Variants in BHMT2 observed in about 807,000 individuals in gnomAD.
BHMT2 encodes S-methylmethionine--homocysteine S-methyltransferase BHMT2.
A neutral mutation model predicts 39.0 loss-of-function variants in BHMT2; 28 were observed. The ratio of observed to expected loss-of-function variants is 0.72; its 90% CI spans 0.53 to 0.98. BHMT2 has a LOEUF of 0.98. BHMT2 is among the 50% of genes least tolerant of loss of function. BHMT2 has a pLI of 0.00. For synonymous variants in BHMT2, 145 were observed against 160.6 expected, an observed-to-expected ratio of 0.90 and a Z score of 0.74; for missense variants, 410 against 455.6, an observed-to-expected ratio of 0.90 and a Z score of 0.91.
chr5:79,070,430 C>G (rs1755541891), intron 1 of BHMT2, among the ~76,000 whole-genome samples: 1 of 152,156 alleles, frequency 6.6e-6, no homozygotes, highest in African/African-American at 2.4e-5. Context: ...CTCCTGGCCC[C>G]TTTCCTGGTC....
At position 79,082,541 on chromosome 5, in the gene BHMT2, G is replaced by A. The variant is rs1755805320; in HGVS notation, c.451-268G>A. 1.1e-5 allele frequency: 3 copies of A among 268,378 alleles called. No individual in the cohort carries two copies. The Admixed American group carries it at 1.5e-4, about 13-fold the overall frequency. The allele number at this position is 268,378 out of a possible 1,614,324, so 16.6% of individuals were successfully genotyped here. ...AATTACTTTGAAAACCTCTGGGTGT[G>A]TTTTCTTCTTTTTTACTAATAGGCA... On this transcript the variant is annotated intron_variant, in intron 4 of 7. Transcript: ENST00000255192.
At chr5:79,078,311 G>A (rs1755718552) in intron 2 of BHMT2, among the ~76,000 whole-genome samples, 1 of 151,618 alleles carries the variant, frequency 6.6e-6, no homozygotes. Context: ...ACTATGATGG[G>A]ATTAGATAGT....
chr5:79,079,850 A>G (rs905965818), intron 3 of BHMT2, among the ~76,000 whole-genome samples: 1 of 152,226 alleles, frequency 6.6e-6, no homozygotes, highest in Non-Finnish European at 1.5e-5. Context: ...AGATCACACC[A>G]CTGCACTCCA....
intron 1 of BHMT2, 83 bp from the exon 2 acceptor site, chr5:79,077,397 C>A: frequency 6.6e-7 from 1 of 1,514,184 alleles, no homozygotes; most frequent in Admixed American, 2.2e-5. Context: ...AACGTAATAC[C>A]ACTTCACCTA....
chr5:79,070,249 C>G (rs1426027051), intron 1 of BHMT2, among the ~76,000 whole-genome samples: 1 of 152,198 alleles, frequency 6.6e-6, no homozygotes, highest in African/African-American at 2.4e-5. Context: ...TCGGACTGTC[C>G]CCTCGCGTTT....
intron 4 of BHMT2, among the ~76,000 whole-genome samples, chr5:79,081,122 G>C (rs753922389): frequency 2.0e-5 from 3 of 152,158 alleles, no homozygotes; most frequent in Non-Finnish European, 2.9e-5. Context: ...CTAAGGTCTG[G>C]GTGGCTGCAG....
chr5:79,088,414 A>T (rs1179299677), intron 7 of BHMT2, 79 bp from the exon 8 acceptor site: 1 of 930,260 alleles, frequency 1.1e-6, no homozygotes. Flanking sequence ...ATACATATAC[A>T]TACATATATA....
intron 1 of BHMT2, 150 bp from the exon 2 acceptor site, chr5:79,077,330 T>C: frequency 9.6e-7 from 1 of 1,046,150 alleles, no homozygotes; most frequent in Non-Finnish European, 1.3e-6. Flanking sequence ...TATGGTATGC[T>C]CAATCTTTCT....
chr5:79,080,302 T>C (rs1246832107), intron 3 of BHMT2, among the ~76,000 whole-genome samples: 1 of 152,218 alleles, frequency 6.6e-6, no homozygotes, highest in African/African-American at 2.4e-5. Flanking sequence ...TGTGAAATAT[T>C]CTGCAAATGT....
At chr5:79,077,714 T>G in intron 2 of BHMT2, 102 bp downstream of exon 2, 17 of 1,414,064 alleles carry the variant, frequency 1.2e-5, no homozygotes, top group African/African-American at 2.8e-5. Flanking sequence ...CAAAGGGGTG[T>G]TTTGCTTGCT....
At chr5:79,081,555 C>T (rs1755789073) in intron 4 of BHMT2, among the ~76,000 whole-genome samples, 1 of 152,112 alleles carries the variant, frequency 6.6e-6, no homozygotes, top group Admixed American at 6.5e-5. Flanking sequence ...CACAACTTTA[C>T]TCCAAACAAG....
chr5:79,078,498 C>T (rs1388622725), intron 2 of BHMT2, among the ~76,000 whole-genome samples: 1 of 152,174 alleles, frequency 6.6e-6, no homozygotes, highest in Non-Finnish European at 1.5e-5. Context: ...TCAGATAAAC[C>T]TAGGGTCCTG....
intron 1 of BHMT2, among the ~76,000 whole-genome samples, chr5:79,072,147 A>C (rs2112691872): frequency 6.6e-6 from 1 of 152,210 alleles, no homozygotes; most frequent in Non-Finnish European, 1.5e-5. Flanking sequence ...TGCACCTATA[A>C]TCCCAGCTAC....
At position 79,069,802 on chromosome 5, in the gene BHMT2, C is replaced by A; in HGVS notation, c.20C>A (p.Pro7Gln). The change falls in exon 1 of 8, where the codon CCG becomes CAG. Residue 7 changes from proline (P) to glutamine (Q), a missense_variant. By Grantham distance (76) the Pro-to-Gln change is moderately conservative. Transcript: ENST00000255192. ...GGCACCATGGCACCTGCTGGACGCC[C>A]GGGGGCCAAGAAGGTGAGTTTCGTC... MAPAGR[P>Q]GAKKGILERL... 1.4e-6 allele frequency: 2 copies of A among 1,436,956 alleles called. No homozygotes were observed. The highest frequency in any genetic ancestry group is 3.0e-5 in the East Asian group (1 of 33,498). The allele number at this position is 1,436,956 out of a possible 1,614,324, so 89.0% of individuals were successfully genotyped here.
At chr5:79,075,210 C>T (rs549342323) in intron 1 of BHMT2, among the ~76,000 whole-genome samples, 12 of 152,074 alleles carry the variant, frequency 7.9e-5, no homozygotes, top group Non-Finnish European at 1.6e-4. Context: ...CTGACCCCTG[C>T]CGTAGGGAAT....
intron 7 of BHMT2, 81 bp downstream of exon 7, chr5:79,083,937 T>G: frequency 6.7e-7 from 1 of 1,490,140 alleles, no homozygotes; most frequent in African/African-American, 1.4e-5. Context: ...TGCATGCACA[T>G]GACAAAAAGT....
chr5:79,077,334 T>C (rs991185556), intron 1 of BHMT2, 146 bp from the exon 2 acceptor site: 2 of 1,094,174 alleles, frequency 1.8e-6, no homozygotes, highest in African/African-American at 3.1e-5. Context: ...GTATGCTCAA[T>C]CTTTCTGAAA....
rs182147010 is a variant in BHMT2, at chr5:79,087,270, G to C, written c.1011-1223G>C. Among the ~76,000 whole-genome samples, 35 of 151,686 alleles carry C rather than the reference G, an allele frequency of 2.3e-4. No individual in the cohort carries two copies. The East Asian group carries it at 5.8e-3, about 25-fold the overall frequency. ...AGTAGGCAAGAATCACTTAGCCAAA[G>C]CTTTCTTCTAGGAGATATGGATATT... On this transcript the variant is annotated intron_variant, in intron 7 of 7. Coordinates refer to ENST00000255192, the MANE Select transcript of BHMT2 (RefSeq NM_017614.5).
intron 3 of BHMT2, among the ~76,000 whole-genome samples, 153 bp from the exon 4 acceptor site, chr5:79,080,534 G>A (rs569097433): frequency 1.3e-5 from 2 of 152,260 alleles, no homozygotes; most frequent in East Asian, 3.9e-4. Flanking sequence ...TGGTAACAGA[G>A]GAGATTGTAC....
Sources: gnomAD v4.1 joint callset for allele counts (sites outside exome capture counted in the v4.1 genomes callset) on GRCh38, gnomAD v4.1.1 for gene constraint, MANE v1.5 for transcripts, NCBI Gene and HGNC (gene_info 2026-07-23, HGNC 2026-07-21) for gene names.